The following CR1 variants were observed in gnomAD, a reference collection of about 807,000 sequenced individuals.
CR1 encodes complement receptor type 1.
CR1 carries 116 observed loss-of-function variants against 187.3 expected under a neutral mutation model. The observed-to-expected ratio is 0.62, with a 90% CI of 0.53 to 0.72. The LOEUF (loss-of-function observed/expected upper bound fraction) is 0.72, where lower values mean the gene tolerates loss of function less well. Ranked by LOEUF, CR1 falls within the 30% of genes least tolerant of loss-of-function variation. CR1 has a pLI of 0.00. For missense variants in CR1, 1,731 were observed against 2,110.7 expected (o/e 0.82, Z 3.52); for synonymous variants, 576 against 747.1 (o/e 0.77, Z 3.73).
At chr1:207,526,570 G>T (rs1660179680) in intron 5 of CR1, among the ~76,000 whole-genome samples, 183 bp from the exon 6 acceptor site, 1 of 151,352 alleles carries the variant, frequency 6.6e-6, no homozygotes, top group Admixed American at 6.6e-5. Flanking sequence ...CCACGTGTCA[G>T]TTCTATGACT....
chr1:207,628,937 G>T (rs1412006994), intron 45 of CR1, among the ~76,000 whole-genome samples: 1 of 152,076 alleles, frequency 6.6e-6, no homozygotes, highest in Non-Finnish European at 1.5e-5. Context: ...AGATTTCCTG[G>T]CGTTTCACAC....
In CR1 at chr1:207,524,024, G is replaced by A. The variant is rs762379001; in HGVS notation, c.886+15G>A. 7 of 1,611,638 alleles carry A rather than the reference G, an allele frequency of 4.3e-6. No individual in the cohort carries two copies. Among genetic ancestry groups the A allele is most frequent in the Non-Finnish European group, 5.9e-6 (7 of 1,179,738 alleles). ...CTGCTCCAGGGGTGAGTCTGACTGA[G>A]GCCTAGAAGGGCCCTGCCAGTGACA... On this transcript the variant is annotated intron_variant, in intron 5 of 46. Coordinates refer to ENST00000367049, the MANE Select transcript of CR1 (RefSeq NM_000651.6).
chr1:207,597,688 T>C lies in CR1; in HGVS notation c.5810+8914T>C, dbSNP rs1447444421. 1.3e-5 allele frequency among the ~76,000 whole-genome samples: 2 copies of C among 152,194 alleles called. 1 individual carries two copies. The highest frequency in any genetic ancestry group is 2.9e-5 in the Non-Finnish European group (2 of 68,020). Reference sequence around the variant, plus strand: ...TGTAGCACTGTGGAAAACAGTTTGATGATTCCTGAAAAAGTTAAACATAGA... The same window carrying C: ...TGTAGCACTGTGGAAAACAGTTTGACGATTCCTGAAAAAGTTAAACATAGA... On this transcript the variant is annotated intron_variant, in intron 35 of 46. Coordinates refer to ENST00000367049, the MANE Select transcript of CR1 (RefSeq NM_000651.6).
intron 35 of CR1, among the ~76,000 whole-genome samples, chr1:207,597,075 G>T (rs891243100): frequency 1.4e-5 from 2 of 146,974 alleles, no homozygotes; most frequent in Admixed American, 1.4e-4. Flanking sequence ...TTATTTACAT[G>T]ATATACAATA....
At chr1:207,608,647 T>C (rs1043198190) in intron 36 of CR1, among the ~76,000 whole-genome samples, 2 of 152,158 alleles carry the variant, frequency 1.3e-5, no homozygotes, top group African/African-American at 4.8e-5. Context: ...CAGTTTACTA[T>C]ACAAAGTTTT....
intron 1 of CR1, among the ~76,000 whole-genome samples, chr1:207,501,274 T>G (rs1222551172): frequency 3.9e-5 from 6 of 152,220 alleles, no homozygotes; most frequent in African/African-American, 1.4e-4. Flanking sequence ...ATGAGGGAAC[T>G]CTGTGTGGGT....
At chr1:207,592,206 G>A (rs949456089) in intron 35 of CR1, among the ~76,000 whole-genome samples, 4 of 152,170 alleles carry the variant, frequency 2.6e-5, no homozygotes, top group Non-Finnish European at 5.9e-5. Context: ...TAAAATACTG[G>A]CAAACAAAAT....
chr1:207,579,930 T>C (rs614709), intron 29 of CR1, among the ~76,000 whole-genome samples: 59,901 of 152,038 alleles, frequency 0.39, 16,156 homozygotes, highest in African/African-American at 0.76. Context: ...TCAGAGAAAT[T>C]GGGGGAAATC....
rs1317743493 is a variant in CR1, at chr1:207,506,048, A to T, written c.266A>T (p.Asn89Ile). 2 of 1,613,768 alleles carry T rather than the reference A, an allele frequency of 1.2e-6. No homozygotes were observed. The highest frequency in any genetic ancestry group is 1.7e-6 in the Non-Finnish European group (2 of 1,179,834). ...CCGTTTTCTATCATCTGCCTAAAAA[A>T]CTCAGTCTGGACTGGTGCTAAGGAC... is the stretch of plus-strand genomic sequence containing the variant. ...GRPFSIICLK[N>I]SVWTGAKDRC... The change falls in exon 2 of 47, where the codon AAC (asparagine) becomes ATC (isoleucine). Residue 89 changes from asparagine to isoleucine, a missense_variant. Asn to Ile is a moderately radical substitution (Grantham distance 149). Transcript: ENST00000367049.
Position 207,581,998 on chromosome 1 carries a change from G to A in CR1, c.5297G>A (p.Cys1766Tyr). Residue 1766 changes from cysteine to tyrosine, a missense_variant, in exon 32 of 47, where the codon TGT becomes TAT. Transcript: ENST00000367049. ...CTTTGGAATAACAGTGTTCCTGTGT[G>A]TGAACGTGAGTAGATGGAATACTTG... ...RSLWNNSVPV[C>Y]EHIFCPNPPA... The A allele has an allele frequency of 6.2e-7, 1 of 1,607,268 alleles. No homozygotes were observed. The highest frequency in any genetic ancestry group is 1.3e-5 in the African/African-American group (1 of 74,820).
chr1:207,500,261 T>A (rs2102330048), intron 1 of CR1, among the ~76,000 whole-genome samples: 1 of 152,336 alleles, frequency 6.6e-6, no homozygotes, highest in East Asian at 1.9e-4. Flanking sequence ...CAAAAATTTA[T>A]ATTGAGGCAT....
chr1:207,565,516 C>T (rs1246188430), intron 23 of CR1, among the ~76,000 whole-genome samples: 1 of 150,154 alleles, frequency 6.7e-6, no homozygotes, highest in Non-Finnish European at 1.5e-5. Flanking sequence ...CTAATAACAA[C>T]AATGAGTGAT....
At position 207,523,750 on chromosome 1, in the gene CR1, T is replaced by C. The variant is rs754023650; in HGVS notation, c.627T>C (p.Gly209=). 5.0e-6 allele frequency: 8 copies of C among 1,612,218 alleles called. No homozygotes were observed. The Admixed American group carries it at 1.3e-4, about 27-fold the overall frequency. Residue 209 remains glycine, a synonymous_variant, in exon 5 of 47, where the codon GGT becomes GGC. Coordinates refer to ENST00000367049, the MANE Select transcript of CR1 (RefSeq NM_000651.6). The part of the protein sequence containing the change: ...SGGRKVFELV[G]EPSIYCTSND... ...GGAGAAAGGTGTTTGAGCTTGTGGG[T>C]GAGCCCTCCATATACTGCACCAGCA...
At chr1:207,616,104 G>A (rs1283643206) in intron 40 of CR1, among the ~76,000 whole-genome samples, 3 of 152,140 alleles carry the variant, frequency 2.0e-5, no homozygotes, top group African/African-American at 7.2e-5. Flanking sequence ...TATTGGTCCT[G>A]ATGGTAATGG....
chr1:207,520,950 A>ATTTT (rs770864560), intron 4 of CR1, among the ~76,000 whole-genome samples: 1 of 64,934 alleles, frequency 1.5e-5, no homozygotes. Context: ...GGGTTTGCAC[A>ATTTT]TTTTTTTTTT....
At chr1:207,597,133 C>CA (rs535152842) in intron 35 of CR1, among the ~76,000 whole-genome samples, 14,322 of 137,838 alleles carry the variant, frequency 0.1, 2,254 homozygotes, top group African/African-American at 0.34. Context: ...CTATGTATTA[C>CA]AAAAAAAAAA....
rs1436756688 is a variant in CR1, at chr1:207,611,945, C to T, written c.6479C>T (p.Ser2160Phe). Residue 2160 changes from serine (S) to phenylalanine (F), a missense_variant, in exon 39 of 47, where the codon TCC becomes TTC. Physicochemically the swap from Ser to Phe is radical, Grantham distance 155. Coordinates refer to ENST00000367049, the MANE Select transcript of CR1 (RefSeq NM_000651.6). ...SPEAPRCTVK[S>F]CDDFLGQLPH... The stretch of plus-strand genomic sequence containing the variant: ...GTTTTATTTTTTCTTCTAGTGAAAT[C>T]CTGTGATGACTTCCTGGGCCAACTC... 3.7e-6 allele frequency: 6 copies of T among 1,613,976 alleles called. No individual in the cohort carries two copies. The highest frequency in any genetic ancestry group is 5.1e-6 in the Non-Finnish European group (6 of 1,179,878).
At position 207,523,889 on chromosome 1, in the gene CR1, T is replaced by C. The variant is rs748064449; in HGVS notation, c.766T>C (p.Phe256Leu). The change falls in exon 5 of 47, where the codon TTT becomes CTT. Residue 256 changes from phenylalanine to leucine, a missense_variant. By Grantham distance (22) the Phe-to-Leu change is conservative. This residue lies in a region of CR1 where 131 missense variants were observed against 196.8 expected (regional missense o/e 0.67). Coordinates refer to ENST00000367049, the MANE Select transcript of CR1 (RefSeq NM_000651.6). ...ATTGGTATCTGACAACAGAAGCTTA[T>C]TTTCCTTAAATGAAGTTGTGGAGTT... ...GILVSDNRSL[F>L]SLNEVVEFRC... The C allele has an allele frequency of 6.2e-7, 1 of 1,610,026 alleles. No homozygotes were observed. The highest frequency in any genetic ancestry group is 1.3e-5 in the African/African-American group (1 of 74,684).
At chr1:207,524,176 G>A (rs1384188983) in intron 5 of CR1, among the ~76,000 whole-genome samples, 167 bp downstream of exon 5, 1 of 152,116 alleles carries the variant, frequency 6.6e-6, no homozygotes, top group Non-Finnish European at 1.5e-5. Context: ...ATGCACATGT[G>A]CTGAAATTGC....
Sources: allele counts gnomAD v4.1 joint callset (sites outside exome capture counted in the v4.1 genomes callset), GRCh38; gene constraint gnomAD v4.1.1; regional missense constraint gnomAD v4.1.1; transcripts MANE v1.5; gene names NCBI Gene and HGNC (gene_info 2026-07-23, HGNC 2026-07-21).